FAF1: variants seen among roughly 807,000 people sequenced by gnomAD.
The protein encoded by FAF1 is Fas associated factor 1, also known as FAS-associated factor 1.
FAF1 carries 25 observed loss-of-function variants against 92.5 expected under a neutral mutation model. The observed-to-expected ratio is 0.27, with a 90% CI of 0.20 to 0.38. The LOEUF is 0.38. Ranked by LOEUF, FAF1 falls within the 10% of genes least tolerant of loss-of-function variation. The probability of loss-of-function intolerance (pLI) is 1.00; values close to 1 mark genes in which losing one functional copy is unlikely to be tolerated. For missense variants in FAF1, 636 were observed against 793.3 expected (o/e 0.80, Z 2.38); for synonymous variants, 234 against 273.2 (o/e 0.86, Z 1.42).
intron 7 of FAF1, among the ~76,000 whole-genome samples, chr1:50,678,890 A>G (rs565313836): frequency 2.0e-4 from 30 of 151,534 alleles, no homozygotes; most frequent in African/African-American, 7.3e-4. Flanking sequence ...GATTGAGACC[A>G]TCCTGGCTAA....
chr1:50,542,646 A>G (rs1648813192), intron 13 of FAF1, among the ~76,000 whole-genome samples: 1 of 152,234 alleles, frequency 6.6e-6, no homozygotes, highest in South Asian at 2.1e-4. Context: ...TGGTTTCCAT[A>G]AGTAAATTCC....
At chr1:50,508,273 T>C (rs1266570867) in intron 15 of FAF1, among the ~76,000 whole-genome samples, 1 of 152,218 alleles carries the variant, frequency 6.6e-6, no homozygotes, top group East Asian at 1.9e-4. Context: ...CTAAAAGAGA[T>C]TGTTAACACA....
intron 4 of FAF1, among the ~76,000 whole-genome samples, chr1:50,779,991 G>GACAGACAGACACACACACACACAC (rs369288416): frequency 6.9e-6 from 1 of 145,532 alleles, no homozygotes; most frequent in Non-Finnish European, 1.5e-5. Context: ...CAGACAGACA[G>GACAGACAGACACACACACACACAC]ACACACACAC....
rs79468516 is a variant in FAF1 at position 50,954,639 on chromosome 1, C to T, written c.45+5128G>A. ...CACTGAAACCTCCACCTCCCAGGTT[C>T]AAGTGATTCTCCTGCCTCAGCCTCC... is the stretch of plus-strand genomic sequence containing the variant. On this transcript the variant is annotated intron_variant, in intron 1 of 18. Coordinates refer to ENST00000396153, the MANE Select transcript of FAF1 (RefSeq NM_007051.3). Among the ~76,000 whole-genome samples, 96 of 144,948 alleles carry T rather than the reference C, an allele frequency of 6.6e-4. 5 individuals carry two copies. The East Asian group carries it at 0.019, about 28-fold the overall frequency.
At chr1:50,523,184 T>C (rs1434656561) in intron 15 of FAF1, among the ~76,000 whole-genome samples, 1 of 152,250 alleles carries the variant, frequency 6.6e-6, no homozygotes, top group Non-Finnish European at 1.5e-5. Context: ...ATTTGGATTA[T>C]TTCCACTTTT....
chr1:50,518,550 C>G (rs1486001615), intron 15 of FAF1, among the ~76,000 whole-genome samples: 1 of 151,986 alleles, frequency 6.6e-6, no homozygotes, highest in Non-Finnish European at 1.5e-5. Flanking sequence ...ACGCCATTCT[C>G]CTGCCTCAGC....
At chr1:50,855,839 T>C (rs768424029) in intron 2 of FAF1, among the ~76,000 whole-genome samples, 9 of 151,850 alleles carry the variant, frequency 5.9e-5, no homozygotes, top group Non-Finnish European at 1.0e-4. Context: ...TTCTGAAAGA[T>C]AGCCTGATGT....
At chr1:50,635,766 T>A (rs1277728309) in intron 8 of FAF1, among the ~76,000 whole-genome samples, 1 of 152,326 alleles carries the variant, frequency 6.6e-6, no homozygotes, top group Non-Finnish European at 1.5e-5. Flanking sequence ...GACTCCTTGA[T>A]GTCATGCCTG....
At chr1:50,816,805 T>C (rs1278772815) in intron 2 of FAF1, among the ~76,000 whole-genome samples, 1 of 152,208 alleles carries the variant, frequency 6.6e-6, no homozygotes. Flanking sequence ...TAGATTCTTA[T>C]AGTTTGGGGT....
At chr1:50,664,999 G>GA (rs1218298604) in intron 7 of FAF1, among the ~76,000 whole-genome samples, 2 of 151,972 alleles carry the variant, frequency 1.3e-5, no homozygotes, top group African/African-American at 4.8e-5. Flanking sequence ...TAAATAATAT[G>GA]AAAAAAATGT....
chr1:50,483,953 GTA>G (rs1416513564), intron 17 of FAF1, among the ~76,000 whole-genome samples: 1 of 152,140 alleles, frequency 6.6e-6, no homozygotes, highest in African/African-American at 2.4e-5. Flanking sequence ...AGTTTCTGAT[GTA>G]TATGAGACAT....
At chr1:50,555,295 C>CACA in intron 13 of FAF1, among the ~76,000 whole-genome samples, 1 of 129,664 alleles carries the variant, frequency 7.7e-6, no homozygotes, top group African/African-American at 3.5e-5. Flanking sequence ...ACACACACAC[C>CACA]CCCCAAAATA....
At chr1:50,444,654 A>G (rs1277709090) in intron 18 of FAF1, among the ~76,000 whole-genome samples, 1 of 152,188 alleles carries the variant, frequency 6.6e-6, no homozygotes, top group Non-Finnish European at 1.5e-5. Context: ...CATAGCAGCA[A>G]CTATCACTTA....
intron 1 of FAF1, among the ~76,000 whole-genome samples, chr1:50,911,450 C>G (rs780813718): frequency 2.6e-5 from 4 of 151,594 alleles, no homozygotes; most frequent in African/African-American, 4.8e-5. Flanking sequence ...GATCCCAGCA[C>G]TCTGGGAGGC....
chr1:50,638,451 T>C (rs997600148), intron 8 of FAF1, among the ~76,000 whole-genome samples: 17 of 149,704 alleles, frequency 1.1e-4, no homozygotes, highest in East Asian at 3.9e-4. Context: ...TTTTCTTTTT[T>C]TTTTTTTTTT....
At chr1:50,814,415 A>G (rs1643946558) in intron 2 of FAF1, among the ~76,000 whole-genome samples, 1 of 152,218 alleles carries the variant, frequency 6.6e-6, no homozygotes, top group South Asian at 2.1e-4. Context: ...TGTTTTGGAT[A>G]TATCATATTG....
At chr1:50,884,757 AT>A (rs1168115460) in intron 1 of FAF1, among the ~76,000 whole-genome samples, 1 of 151,460 alleles carries the variant, frequency 6.6e-6, no homozygotes, top group Non-Finnish European at 1.5e-5. Flanking sequence ...TTTTTTTCTG[AT>A]TTTGGCATCA....
intron 6 of FAF1, among the ~76,000 whole-genome samples, chr1:50,730,440 A>T (rs892515981): frequency 2.6e-5 from 4 of 151,466 alleles, no homozygotes; most frequent in African/African-American, 7.3e-5. Flanking sequence ...AATAGTTCTT[A>T]TTCTTGTTGC....
intron 4 of FAF1, among the ~76,000 whole-genome samples, chr1:50,783,489 A>G (rs758339664): frequency 6.6e-6 from 1 of 152,214 alleles, no homozygotes; most frequent in Non-Finnish European, 1.5e-5. Flanking sequence ...TCAACAGCAC[A>G]TTGAAAGTGA....
Sources: allele counts gnomAD v4.1 joint callset (sites outside exome capture counted in the v4.1 genomes callset), GRCh38; gene constraint gnomAD v4.1.1; transcripts MANE v1.5; gene names NCBI Gene and HGNC (gene_info 2026-07-23, HGNC 2026-07-21).